The following TCF12 variants were observed in gnomAD, a reference collection of about 807,000 sequenced individuals.
TCF12 encodes the protein transcription factor 12.
Under a neutral mutation model 86.0 loss-of-function variants are expected in TCF12, and 45 were observed. The ratio of observed to expected loss-of-function variants is 0.52; its 90% CI spans 0.41 to 0.67. TCF12 has a LOEUF of 0.67. TCF12 is among the 30% of genes least tolerant of loss of function. TCF12 has a pLI of 0.00. For synonymous variants in TCF12, 330 were observed against 299.6 expected, an observed-to-expected ratio of 1.10 and a Z score of -1.05; for missense variants, 881 against 859.9, an observed-to-expected ratio of 1.02 and a Z score of -0.31.
At chr15:56,992,052 C>T (rs190747396) in intron 3 of TCF12, among the ~76,000 whole-genome samples, 1 of 150,284 alleles carries the variant, frequency 6.7e-6, no homozygotes, top group East Asian at 2.0e-4. Context: ...CCAGCAGTTC[C>T]AGATCAATCT....
intron 13 of TCF12, among the ~76,000 whole-genome samples, chr15:57,250,864 C>T (rs1187819483): frequency 1.3e-5 from 2 of 150,760 alleles, no homozygotes; most frequent in African/African-American, 2.4e-5. Flanking sequence ...CCACTGCGCT[C>T]CAGCCTGGGC....
chr15:57,216,974 A>G (rs1251369732), intron 8 of TCF12, among the ~76,000 whole-genome samples: 2 of 152,174 alleles, frequency 1.3e-5, no homozygotes, highest in African/African-American at 2.4e-5. Context: ...TCATATAATT[A>G]TAGATACAGG....
At chr15:57,169,965 A>G (rs1724104596) in intron 6 of TCF12, among the ~76,000 whole-genome samples, 2 of 152,204 alleles carry the variant, frequency 1.3e-5, no homozygotes, top group African/African-American at 4.8e-5. Context: ...TTTATTTTAA[A>G]CCTAAATGTG....
intron 3 of TCF12, among the ~76,000 whole-genome samples, chr15:57,059,456 A>G (rs2068282799): frequency 6.6e-6 from 1 of 152,058 alleles, no homozygotes; most frequent in South Asian, 2.1e-4. Flanking sequence ...TTGGGTCATC[A>G]GACTCACCAC....
At chr15:57,022,682 C>G (rs966102995) in intron 3 of TCF12, among the ~76,000 whole-genome samples, 1 of 152,166 alleles carries the variant, frequency 6.6e-6, no homozygotes, top group Non-Finnish European at 1.5e-5. Context: ...ACACTCCCAC[C>G]AACAGTGTAA....
At chr15:57,280,347 A>G (rs1246975024) in intron 19 of TCF12, among the ~76,000 whole-genome samples, 3 of 152,302 alleles carry the variant, frequency 2.0e-5, no homozygotes, top group Non-Finnish European at 4.4e-5. Context: ...CTAAGAGTGT[A>G]TCTTTCTTCC....
chr15:57,219,256 C>T (rs1247638192), intron 8 of TCF12: 2 of 1,169,334 alleles, frequency 1.7e-6, no homozygotes, highest in East Asian at 3.7e-5. Context: ...AAGTGACTTG[C>T]ATTTTTTTAA....
In TCF12 at chr15:57,182,781, A is replaced by T. The variant is rs370717265; in HGVS notation, c.391-9377A>T. Among the ~76,000 whole-genome samples, 24 of 152,290 alleles carry T rather than the reference A, an allele frequency of 1.6e-4. 1 individual carries two copies. Among genetic ancestry groups the T allele is most frequent in the Middle Eastern group, 6.8e-3 (2 of 294 alleles). On this transcript the variant is annotated intron_variant, in intron 6 of 20. Transcript: ENST00000333725. ...TAGTAAACTTGTTTTTTCCAAAAAA[A>T]TTTGTTCTCCTTTTTTTCTTTCTTT...
At chr15:57,030,443 A>G (rs538743369) in intron 3 of TCF12, among the ~76,000 whole-genome samples, 1 of 152,092 alleles carries the variant, frequency 6.6e-6, no homozygotes, top group East Asian at 1.9e-4. Context: ...AGAAAATGGG[A>G]TCTTGCTGTG....
At chr15:57,219,303 T>C (rs1171868623) in intron 8 of TCF12, 1 of 1,227,348 alleles carries the variant, frequency 8.1e-7, no homozygotes, top group East Asian at 3.1e-5. Context: ...CCTCCACCAA[T>C]GCAAGGACTT....
chr15:56,984,960 C>T (rs147774477), intron 3 of TCF12, among the ~76,000 whole-genome samples: 3 of 152,104 alleles, frequency 2.0e-5, no homozygotes, highest in Admixed American at 6.5e-5. Flanking sequence ...CATCTAAGTA[C>T]CAGTAAATGT....
rs1259634495 is a variant in TCF12 at position 57,232,739 on chromosome 15, A to T, written c.853A>T (p.Thr285Ser). The T allele has an allele frequency of 6.2e-7, 1 of 1,611,928 alleles. No individual in the cohort carries two copies. The highest frequency in any genetic ancestry group is 2.2e-5 in the East Asian group (1 of 44,664). The stretch of plus-strand genomic sequence containing the variant: ...TTATCCTCCACACTCAGTTTCACCA[A>T]CAGACATAAACACGAGTCTTCCACC... ...LSYPPHSVSP[T>S]DINTSLPPMS... The change falls in exon 11 of 21, where the codon ACA becomes TCA. Residue 285 changes from threonine (T) to serine (S), a missense_variant. Thr to Ser is a moderately conservative substitution (Grantham distance 58). Transcript: ENST00000333725.
intron 5 of TCF12, among the ~76,000 whole-genome samples, chr15:57,099,023 A>G (rs977981999): frequency 8.6e-5 from 13 of 152,002 alleles, no homozygotes; most frequent in Admixed American, 4.6e-4. Context: ...ATTGCTCTAA[A>G]TTGTTCTTCA....
At chr15:57,093,147 T>C (rs1329778834) in intron 5 of TCF12, among the ~76,000 whole-genome samples, 1 of 152,100 alleles carries the variant, frequency 6.6e-6, no homozygotes, top group Non-Finnish European at 1.5e-5. Flanking sequence ...ACATAGAAAA[T>C]CATGGTATTA....
At chr15:57,103,646 A>G (rs556560250) in intron 5 of TCF12, among the ~76,000 whole-genome samples, 20 of 152,246 alleles carry the variant, frequency 1.3e-4, no homozygotes, top group Non-Finnish European at 2.9e-4. Context: ...TGTGTATGCA[A>G]GAATGTTTGC....
intron 3 of TCF12, among the ~76,000 whole-genome samples, chr15:57,000,568 C>T (rs1239197050): frequency 6.6e-6 from 1 of 152,002 alleles, no homozygotes; most frequent in African/African-American, 2.4e-5. Context: ...TGAGCTTCCA[C>T]CTTAGGAAGC....
chr15:56,940,151 G>A (rs1435889974), intron 3 of TCF12, among the ~76,000 whole-genome samples: 3 of 151,772 alleles, frequency 2.0e-5, no homozygotes, highest in East Asian at 1.9e-4. Context: ...TTTCTAAAAC[G>A]ACCTTGATTT....
chr15:57,246,149 TG>T (rs1470508416), intron 13 of TCF12, among the ~76,000 whole-genome samples: 49 of 152,320 alleles, frequency 3.2e-4, no homozygotes, highest in Admixed American at 1.4e-3. Flanking sequence ...TGAGTAGAAT[TG>T]TCCACACTTG....
intron 3 of TCF12, among the ~76,000 whole-genome samples, chr15:57,031,253 T>G (rs1335914859): frequency 6.6e-6 from 1 of 152,218 alleles, no homozygotes; most frequent in Non-Finnish European, 1.5e-5. Flanking sequence ...TGCTAAGGGC[T>G]AGATGTGGCC....
Sources: gnomAD v4.1 joint callset for allele counts (sites outside exome capture counted in the v4.1 genomes callset) on GRCh38, gnomAD v4.1.1 for gene constraint, MANE v1.5 for transcripts, NCBI Gene and HGNC (gene_info 2026-07-23, HGNC 2026-07-21) for gene names.